Variants in SRFBP1 observed in about 807,000 individuals in gnomAD.
SRFBP1 encodes serum response factor-binding protein 1.
In SRFBP1, 47 loss-of-function variants were observed where a neutral mutation model predicts 45.5. The observed-to-expected ratio is 1.03, with a 90% CI of 0.82 to 1.32. The LOEUF is 1.32. Among genes scored for constraint, SRFBP1 ranks in the 40% most tolerant of loss-of-function variants. The pLI, the probability that SRFBP1 is intolerant of heterozygous loss-of-function variation, is 0.00. For missense variants in SRFBP1, 621 were observed against 484.6 expected (o/e 1.28, Z -2.64); for synonymous variants, 203 against 166.3 (o/e 1.22, Z -1.70).
At chr5:122,024,852 A>G (rs1329229811) in intron 7 of SRFBP1, among the ~76,000 whole-genome samples, 2 of 152,212 alleles carry the variant, frequency 1.3e-5, no homozygotes, top group South Asian at 2.1e-4. Context: ...TTATTTACAT[A>G]TACAACTCTA....
At chr5:122,046,838 A>G (rs1300078496) in intron 2 of SRFBP1, among the ~76,000 whole-genome samples, 1 of 152,178 alleles carries the variant, frequency 6.6e-6, no homozygotes, top group East Asian at 1.9e-4. Flanking sequence ...GGCTGCATAA[A>G]TGTCTTCTTT....
chr5:121,995,193 C>A, intron 4 of SRFBP1, among the ~76,000 whole-genome samples: 1 of 151,672 alleles, frequency 6.6e-6, no homozygotes, highest in Non-Finnish European at 1.5e-5. Flanking sequence ...CTCTCCACCC[C>A]AAATCAACAG....
At chr5:122,077,752 A>C (rs1457590767), downstream of SRFBP1, 1 of 1,561,038 alleles carries the variant, frequency 6.4e-7, no homozygotes, top group East Asian at 2.4e-5. This position sits in a 1 kb window ranked among gnomAD's most constrained non-coding sequence, Gnocchi z 4.9. Context: ...CGTTGGCTGC[A>C]CCAGGGACGG....
intron 2 of SRFBP1, chr5:122,075,205 G>C (rs1414554131): frequency 4.1e-6 from 2 of 491,526 alleles, no homozygotes; most frequent in Non-Finnish European, 7.1e-6. Context: ...AATAAGCTGG[G>C]CTTCAGATTT....
At chr5:122,034,790 A>T (rs1042751368) in intron 2 of SRFBP1, among the ~76,000 whole-genome samples, 5 of 151,774 alleles carry the variant, frequency 3.3e-5, no homozygotes, top group African/African-American at 1.2e-4. Flanking sequence ...AAAAAGACTC[A>T]TGGAAAGAAT....
At chr5:121,991,186 G>A (rs1752613676) in intron 3 of SRFBP1, among the ~76,000 whole-genome samples, 1 of 151,886 alleles carries the variant, frequency 6.6e-6, no homozygotes, top group Non-Finnish European at 1.5e-5. Flanking sequence ...CTGATCTTCT[G>A]GATTCTACTG....
At chr5:122,053,447 A>G (rs544770191) in intron 2 of SRFBP1, among the ~76,000 whole-genome samples, 36 of 152,254 alleles carry the variant, frequency 2.4e-4, no homozygotes, top group African/African-American at 8.7e-4. Flanking sequence ...TCCCAGGACA[A>G]CAGGAAGCTG....
chr5:121,984,221 G>GATGGGAGTTTTGT (rs1298711815), intron 3 of SRFBP1, among the ~76,000 whole-genome samples: 1 of 151,768 alleles, frequency 6.6e-6, no homozygotes, highest in Non-Finnish European at 1.5e-5. Flanking sequence ...TGTCATAATG[G>GATGGGAGTTTTGT]ATGGGAGTTT....
Position 121,971,513 on chromosome 5 carries a change from A to AT in SRFBP1, c.37-2679dup, listed in dbSNP as rs532061805. ...TGAATTTAGGTGTGAATTTGAGGTG[A>AT]TTTTGAGCGCACTCAGAAAGAAATG... On this transcript the variant is annotated intron_variant, in intron 1 of 7. Coordinates refer to ENST00000339397, the MANE Select transcript of SRFBP1 (RefSeq NM_152546.3). Among the ~76,000 whole-genome samples, 302 of 152,102 alleles carry AT rather than the reference A, an allele frequency of 2.0e-3. 2 individuals carry two copies. Among genetic ancestry groups the AT allele is most frequent in the African/African-American group, 6.9e-3 (286 of 41,550 alleles).
intron 2 of SRFBP1, among the ~76,000 whole-genome samples, chr5:122,053,036 T>C (rs1169295021): frequency 1.3e-5 from 2 of 152,106 alleles, no homozygotes; most frequent in Non-Finnish European, 2.9e-5. Context: ...AATTGCTGTC[T>C]CCATGCCCAT....
intron 2 of SRFBP1, among the ~76,000 whole-genome samples, chr5:122,055,633 A>G (rs1754065220): frequency 6.6e-6 from 1 of 152,234 alleles, no homozygotes; most frequent in South Asian, 2.1e-4. Context: ...AAAAAGACAT[A>G]TTTAGTAAAA....
At chr5:122,023,854 C>T (rs929252914) in intron 7 of SRFBP1, among the ~76,000 whole-genome samples, 16 of 152,176 alleles carry the variant, frequency 1.1e-4, no homozygotes, top group African/African-American at 3.1e-4. Context: ...GGCTAGTTAC[C>T]GTACTGAAAA....
At chr5:122,077,191 G>A (rs2152591114), downstream of SRFBP1, 1 of 1,469,424 alleles carries the variant, frequency 6.8e-7, no homozygotes, top group Admixed American at 2.4e-5. The surrounding 1 kb of genome is among the most constrained non-coding windows in gnomAD (Gnocchi z 4.9). Flanking sequence ...GGAGGGGCCA[G>A]ACGCGCGGTT....
chr5:121,987,370 G>GA (rs541036490), intron 3 of SRFBP1, among the ~76,000 whole-genome samples: 10 of 151,644 alleles, frequency 6.6e-5, no homozygotes, highest in African/African-American at 2.2e-4. Flanking sequence ...ATTTTATTTG[G>GA]AAAAAAAATC....
chr5:121,967,519 A>T (rs1752097035), intron 1 of SRFBP1, among the ~76,000 whole-genome samples: 1 of 152,160 alleles, frequency 6.6e-6, no homozygotes, highest in African/African-American at 2.4e-5. Context: ...CCATATGATA[A>T]AATTAGGGTC....
At chr5:122,043,311 G>A (rs1032834045) in intron 2 of SRFBP1, among the ~76,000 whole-genome samples, 15 of 151,998 alleles carry the variant, frequency 9.9e-5, no homozygotes, top group African/African-American at 3.6e-4. Context: ...TGCTTCCTGG[G>A]TTCAAGCAAT....
chr5:122,056,781 C>G (rs1352294001), intron 2 of SRFBP1, among the ~76,000 whole-genome samples: 2 of 152,132 alleles, frequency 1.3e-5, no homozygotes, highest in Non-Finnish European at 2.9e-5. Context: ...AAAAAGGAAT[C>G]AAGCACCTTC....
intron 2 of SRFBP1, chr5:122,075,218 C>T (rs1754581325): frequency 3.9e-6 from 2 of 514,450 alleles, no homozygotes; most frequent in Non-Finnish European, 6.6e-6. Flanking sequence ...TCAGATTTTC[C>T]ATTTCAAAAG....
chr5:121,964,147 C>T (rs1348371717), intron 1 of SRFBP1, among the ~76,000 whole-genome samples: 1 of 152,118 alleles, frequency 6.6e-6, no homozygotes, highest in East Asian at 1.9e-4. Context: ...AGTACAGCTA[C>T]TGTACTAGCT....
Sources: gnomAD v4.1 joint callset for allele counts (sites outside exome capture counted in the v4.1 genomes callset) on GRCh38, gnomAD v4.1.1 for gene constraint, Gnocchi (gnomAD v3.1) non-coding constraint, MANE v1.5 for transcripts, NCBI Gene and HGNC (gene_info 2026-07-23, HGNC 2026-07-21) for gene names.